The following AGBL1 variants were observed in gnomAD, a reference collection of about 807,000 sequenced individuals.
The protein encoded by AGBL1 is cytosolic carboxypeptidase 4.
AGBL1 carries 130 observed loss-of-function variants against 118.9 expected under a neutral mutation model. The ratio of observed to expected loss-of-function variants is 1.09; its 90% CI spans 0.95 to 1.26. The LOEUF is 1.26. Among genes scored for constraint, AGBL1 ranks in the 50% most tolerant of loss-of-function variants. The pLI is 0.00. For missense variants in AGBL1, 1,584 were observed against 1,298.1 expected (o/e 1.22, Z -3.38); for synonymous variants, 555 against 478.9 (o/e 1.16, Z -2.08).
chr15:86,133,837 A>AT (rs1220467669), intron 1 of AGBL1, among the ~76,000 whole-genome samples: 3 of 152,000 alleles, frequency 2.0e-5, no homozygotes, highest in Non-Finnish European at 4.4e-5. Context: ...TATGCCATTT[A>AT]TTTTTTTATT....
intron 21 of AGBL1, among the ~76,000 whole-genome samples, chr15:86,672,139 G>C (rs951701575): frequency 1.3e-5 from 2 of 152,092 alleles, no homozygotes; most frequent in Admixed American, 1.3e-4. Flanking sequence ...AAAAAACAGA[G>C]TAGTAAAGAG....
At chr15:86,386,686 C>A (rs960621636) in intron 17 of AGBL1, among the ~76,000 whole-genome samples, 1 of 151,990 alleles carries the variant, frequency 6.6e-6, no homozygotes, top group African/African-American at 2.4e-5. Flanking sequence ...TCTTTCAATC[C>A]CCATTACCTC....
At chr15:86,720,069 G>T (rs2086694384) in intron 22 of AGBL1, among the ~76,000 whole-genome samples, 1 of 152,152 alleles carries the variant, frequency 6.6e-6, no homozygotes, top group Non-Finnish European at 1.5e-5. Flanking sequence ...GATCAACTTA[G>T]GTTTAAATGA....
chr15:86,185,500 C>G (rs1167469302), intron 5 of AGBL1, among the ~76,000 whole-genome samples: 1 of 152,094 alleles, frequency 6.6e-6, no homozygotes, highest in Non-Finnish European at 1.5e-5. Flanking sequence ...AGACTTGGAA[C>G]CAACCCAAAT....
chr15:86,190,348 T>A (rs1337634944), intron 5 of AGBL1, among the ~76,000 whole-genome samples: 5 of 152,142 alleles, frequency 3.3e-5, no homozygotes, highest in Admixed American at 1.3e-4. Context: ...TAACTACCAC[T>A]TTTAGTCTTA....
chr15:86,384,793 C>T (rs1360490670), intron 17 of AGBL1, among the ~76,000 whole-genome samples: 2 of 151,802 alleles, frequency 1.3e-5, no homozygotes, highest in East Asian at 3.9e-4. Context: ...ACAGAGGGTA[C>T]AAAATAAGAA....
At chr15:86,652,260 C>T (rs1261685683) in intron 21 of AGBL1, among the ~76,000 whole-genome samples, 1 of 152,048 alleles carries the variant, frequency 6.6e-6, no homozygotes, top group Admixed American at 6.6e-5. Context: ...TAGGGAGCTT[C>T]GCAGCTGTGA....
chr15:86,195,231 C>G lies in AGBL1; in HGVS notation c.489-29683C>G, dbSNP rs376968138. On this transcript the variant is annotated intron_variant, in intron 5 of 22. Transcript: ENST00000614907. Reference sequence around the variant, plus strand: ...TGTTAATCATAACATCCCACAAATCCTTGTAAAATCATGGCGATGATAACT... The same window carrying G: ...TGTTAATCATAACATCCCACAAATCGTTGTAAAATCATGGCGATGATAACT... Among the ~76,000 whole-genome samples, 45 of 152,210 alleles carry G rather than the reference C, an allele frequency of 3.0e-4. No individual in the cohort carries two copies. The South Asian group carries it at 5.6e-3, about 19-fold the overall frequency.
rs1488390391 is a variant in AGBL1, at chr15:87,028,989, T to C, written c.*149T>C. The C allele has an allele frequency of 4.1e-6, 3 of 733,180 alleles. No homozygotes were observed. The African/African-American group carries it at 5.4e-5, about 13-fold the overall frequency. The allele number at this position is 733,180 out of a possible 1,614,324, so 45.4% of individuals were successfully genotyped here. ...ATCATCCCTGCACTCCCTTATCTAG[T>C]ATATCTACCTCCATAAGAAAACATA... is the stretch of plus-strand genomic sequence containing the variant. On this transcript the variant is annotated 3_prime_UTR_variant, in exon 25 of 25. Transcript: ENST00000441037.
At chr15:86,362,254 G>A (rs183586901) in intron 17 of AGBL1, among the ~76,000 whole-genome samples, 408 of 151,992 alleles carry the variant, frequency 2.7e-3, no homozygotes, top group Middle Eastern at 0.01. Context: ...ATTTTTATCC[G>A]TTAACAAATT....
At chr15:86,159,305 T>C (rs1380699809) in intron 5 of AGBL1, among the ~76,000 whole-genome samples, 1 of 152,190 alleles carries the variant, frequency 6.6e-6, no homozygotes, top group African/African-American at 2.4e-5. Context: ...GTCCCTGTGG[T>C]AGCAAATAGT....
At chr15:86,291,164 T>G (rs1164491712) in intron 16 of AGBL1, among the ~76,000 whole-genome samples, 2 of 152,200 alleles carry the variant, frequency 1.3e-5, no homozygotes, top group Non-Finnish European at 1.5e-5. Flanking sequence ...GTATGTTGTC[T>G]GAGCTTTTGT....
At chr15:86,282,664 G>A (rs1209145038) in intron 16 of AGBL1, among the ~76,000 whole-genome samples, 1 of 152,142 alleles carries the variant, frequency 6.6e-6, no homozygotes, top group Non-Finnish European at 1.5e-5. Flanking sequence ...GACAAAATGA[G>A]TACATTCTGT....
At chr15:86,195,423 T>A (rs1314081545) in intron 5 of AGBL1, among the ~76,000 whole-genome samples, 3 of 152,158 alleles carry the variant, frequency 2.0e-5, no homozygotes, top group Non-Finnish European at 2.9e-5. Flanking sequence ...TCACAGGGTT[T>A]GGTAGTTTTT....
chr15:86,460,810 C>G (rs555927197), intron 18 of AGBL1, among the ~76,000 whole-genome samples: 14 of 152,290 alleles, frequency 9.2e-5, no homozygotes, highest in African/African-American at 3.1e-4. Context: ...TGACACTTGA[C>G]CTCATACATC....
chr15:86,308,903 T>C (rs1370368212), intron 17 of AGBL1, among the ~76,000 whole-genome samples: 1 of 152,188 alleles, frequency 6.6e-6, no homozygotes, highest in Admixed American at 6.5e-5. Context: ...CTTTGGCTAT[T>C]TGGGATCTTT....
chr15:86,165,552 C>T (rs1379851532), intron 5 of AGBL1, among the ~76,000 whole-genome samples: 1 of 152,098 alleles, frequency 6.6e-6, no homozygotes, highest in African/African-American at 2.4e-5. Flanking sequence ...TTCACTGAGA[C>T]AATGGAGATC....
chr15:86,308,006 C>T (rs563101157), intron 17 of AGBL1, among the ~76,000 whole-genome samples: 1 of 152,228 alleles, frequency 6.6e-6, no homozygotes, highest in South Asian at 2.1e-4. Flanking sequence ...ACTTTTAAAT[C>T]ACATATTTAT....
intron 21 of AGBL1, among the ~76,000 whole-genome samples, chr15:86,629,848 A>C (rs550538486): frequency 6.6e-6 from 1 of 152,356 alleles, no homozygotes; most frequent in East Asian, 1.9e-4. Flanking sequence ...AAGGAAAAAA[A>C]GAGAAAGAAG....
Sources: allele counts gnomAD v4.1 joint callset (sites outside exome capture counted in the v4.1 genomes callset), GRCh38; gene constraint gnomAD v4.1.1; transcripts MANE v1.5; gene names NCBI Gene and HGNC (gene_info 2026-07-23, HGNC 2026-07-21).